Variants in RHOQ observed in about 807,000 individuals in gnomAD.
The protein encoded by RHOQ is ras homolog family member Q.
In RHOQ, 7 loss-of-function variants were observed where a neutral mutation model predicts 25.8. The observed-to-expected ratio is 0.27, with a 90% CI of 0.15 to 0.51. RHOQ has a LOEUF of 0.51. RHOQ is among the 20% of genes least tolerant of loss of function. The probability of loss-of-function intolerance (pLI) is 0.97; values close to 1 mark genes in which losing one functional copy is unlikely to be tolerated. For missense variants in RHOQ, 165 were observed against 260.6 expected, an observed-to-expected ratio of 0.63 and a Z score of 2.53; for synonymous variants, 97 against 98.6, an observed-to-expected ratio of 0.98 and a Z score of 0.10.
In RHOQ at chr2:46,543,452, G is replaced by C. The variant is rs1185149951; in HGVS notation, c.142+264G>C. 3 of 600,110 alleles carry C rather than the reference G, an allele frequency of 5.0e-6. No individual in the cohort carries two copies. The African/African-American group carries it at 5.6e-5, about 11-fold the overall frequency. The allele number at this position is 600,110 out of a possible 1,614,324, so 37.2% of individuals were successfully genotyped here. A position where few individuals can be genotyped will look rare whatever the true frequency, so the allele number is the denominator to read the frequency against. On this transcript the variant is annotated intron_variant, in intron 1 of 4. Coordinates refer to ENST00000238738, the MANE Select transcript of RHOQ (RefSeq NM_012249.4). ...CTCGGCGCCCTGGGCCGTCCTCCTT[G>C]ACCTTCCCACATCCCCTTTCCTACT...
chr2:46,577,565 A>ATTTTTTT (rs908178158), intron 4 of RHOQ, among the ~76,000 whole-genome samples: 23 of 64,950 alleles, frequency 3.5e-4, no homozygotes, highest in Admixed American at 5.2e-4. Context: ...ACACCCGGCT[A>ATTTTTTT]TTTTTTTTTT....
chr2:46,564,916 G>A (rs1668684476), intron 2 of RHOQ, among the ~76,000 whole-genome samples: 1 of 152,242 alleles, frequency 6.6e-6, no homozygotes, highest in Admixed American at 6.5e-5. Context: ...ATACACCCTG[G>A]TGGTGATAAC....
chr2:46,543,228 G>T (rs747570228), intron 1 of RHOQ, 40 bp downstream of exon 1: 19 of 1,608,266 alleles, frequency 1.2e-5, no homozygotes, highest in Non-Finnish European at 1.6e-5. Flanking sequence ...CGCTCCCCGG[G>T]CCGGGAACTT....
chr2:46,565,435 A>G (rs1668701978), intron 2 of RHOQ, among the ~76,000 whole-genome samples: 1 of 152,256 alleles, frequency 6.6e-6, no homozygotes, highest in African/African-American at 2.4e-5. Flanking sequence ...GAAAAGCAGC[A>G]GGAACTAAAA....
At chr2:46,568,001 C>G (rs749536112) in intron 2 of RHOQ, among the ~76,000 whole-genome samples, 2 of 152,150 alleles carry the variant, frequency 1.3e-5, no homozygotes, top group African/African-American at 2.4e-5. Flanking sequence ...CCCAGGAGGT[C>G]AAGGCTGTAG....
At chr2:46,561,995 C>A (rs1172043185) in intron 2 of RHOQ, among the ~76,000 whole-genome samples, 1 of 152,208 alleles carries the variant, frequency 6.6e-6, no homozygotes, top group African/African-American at 2.4e-5. Flanking sequence ...GGTTGCTTAA[C>A]TAAGCCAGTG....
At chr2:46,544,924 A>G (rs1667998414) in intron 2 of RHOQ, among the ~76,000 whole-genome samples, 1 of 152,248 alleles carries the variant, frequency 6.6e-6, no homozygotes, top group Admixed American at 6.5e-5. Flanking sequence ...TGCTCAATAA[A>G]GGGAGTGATG....
At chr2:46,561,520 A>T (rs1366109534) in intron 2 of RHOQ, among the ~76,000 whole-genome samples, 1 of 152,112 alleles carries the variant, frequency 6.6e-6, no homozygotes, top group African/African-American at 2.4e-5. Flanking sequence ...CCAACCTTGA[A>T]CTCTGAGCTA....
At chr2:46,563,312 A>G (rs1668628441) in intron 2 of RHOQ, among the ~76,000 whole-genome samples, 1 of 152,122 alleles carries the variant, frequency 6.6e-6, no homozygotes, top group Non-Finnish European at 1.5e-5. Context: ...TTTCCTCATC[A>G]GTGAGGTGGC....
At chr2:46,579,707 G>T (rs950029048) in intron 4 of RHOQ, among the ~76,000 whole-genome samples, 1 of 152,070 alleles carries the variant, frequency 6.6e-6, no homozygotes, top group East Asian at 1.9e-4. Flanking sequence ...AATTAGCTGG[G>T]TGTGGTGGCA....
At chr2:46,550,414 A>G (rs1401857543) in intron 2 of RHOQ, among the ~76,000 whole-genome samples, 1 of 152,232 alleles carries the variant, frequency 6.6e-6, no homozygotes, top group Non-Finnish European at 1.5e-5. Context: ...ACAGGCACAT[A>G]GGTATGGGGC....
chr2:46,569,421 G>T lies in RHOQ; in HGVS notation c.202-6666G>T, dbSNP rs564326618. 1.3e-5 allele frequency: 2 copies of T among 152,204 alleles called. No individual in the cohort carries two copies. The highest frequency in any genetic ancestry group is 2.9e-5 in the Non-Finnish European group (2 of 68,064). 9.4% of individuals were successfully genotyped at this position (152,204 alleles called of 1,614,324 possible). A position where few individuals can be genotyped will look rare whatever the true frequency, so the allele number is the denominator to read the frequency against. On this transcript the variant is annotated intron_variant, in intron 2 of 4. Transcript: ENST00000238738. The surrounding 1 kb of genome is among the most constrained non-coding windows in gnomAD (Gnocchi z 4.1). Reference sequence around the variant, plus strand: ...GTTTGAGTGTTTTTCATCATGTGACGTGGCGGTCTTCTAGTTCAGGGCCCT... The same window carrying T: ...GTTTGAGTGTTTTTCATCATGTGACTTGGCGGTCTTCTAGTTCAGGGCCCT...
chr2:46,572,225 C>A (rs1668956001), intron 2 of RHOQ, among the ~76,000 whole-genome samples: 2 of 149,804 alleles, frequency 1.3e-5, no homozygotes, highest in South Asian at 4.2e-4. Flanking sequence ...ACCTGAGCCT[C>A]CTGAGTAGCT....
rs973893829 is a variant in RHOQ, at chr2:46,584,162, T to G, written c.*3079T>G. ...GTTGGTTGTTACTTTTAAATGATTG[T>G]TACTTTAACAGTGTCCCTTCTTAAC... is the stretch of plus-strand genomic sequence containing the variant. On this transcript the variant is annotated 3_prime_UTR_variant, in exon 5 of 5. Transcript: ENST00000238738. Among the ~76,000 whole-genome samples, 8 of 152,216 alleles carry G rather than the reference T, an allele frequency of 5.3e-5. No homozygotes were observed. The highest frequency in any genetic ancestry group is 1.2e-4 in the African/African-American group (5 of 41,462).
rs1236059514 is a variant in RHOQ, at chr2:46,576,084, C to T, written c.202-3C>T. 3 of 1,589,698 alleles carry T rather than the reference C, an allele frequency of 1.9e-6. No homozygotes were observed. The East Asian group carries it at 6.7e-5, about 36-fold the overall frequency. On this transcript the variant is annotated splice_polypyrimidine_tract_variant and splice_region_variant and intron_variant, in intron 2 of 4. Transcript: ENST00000238738. The surrounding 1 kb of genome is among the most constrained non-coding windows in gnomAD (Gnocchi z 5.1). The stretch of plus-strand genomic sequence containing the variant: ...CATAATGAGGCTTTTCTTTGTTCCT[C>T]AGGAAGACTATGACCGTCTGAGGCC...
Position 46,576,981 on chromosome 2 carries a change from A to G in RHOQ, c.462+325A>G, listed in dbSNP as rs76109323. On this transcript the variant is annotated intron_variant, in intron 4 of 4. Transcript: ENST00000238738. This position sits in a 1 kb window ranked among gnomAD's most constrained non-coding sequence, Gnocchi z 5.1. Reference sequence around the variant, plus strand: ...CAGTGATATTTTCCTAAAAAGTCACATATGGAAAAAAGCATCGGAAACACG... The same window carrying G: ...CAGTGATATTTTCCTAAAAAGTCACGTATGGAAAAAAGCATCGGAAACACG... The G allele has an allele frequency of 0.041, 8,190 of 199,142 alleles. 258 individuals carry two copies. Among genetic ancestry groups the G allele is most frequent in the African/African-American group, 0.093 (3,993 of 43,154 alleles). The allele number at this position is 199,142 out of a possible 1,614,324, so 12.3% of individuals were successfully genotyped here. A position where few individuals can be genotyped will look rare whatever the true frequency, so the allele number is the denominator to read the frequency against.
At chr2:46,546,452 ATATATATATATATATATATATGTG>A (rs1481178524) in intron 2 of RHOQ, among the ~76,000 whole-genome samples, 24 of 4,786 alleles carry the variant, frequency 5.0e-3, no homozygotes, top group African/African-American at 0.02. Flanking sequence ...ACACATATAC[ATATATATATATATATATATATGTG>A]TATATATATA....
chr2:46,578,464 G>T (rs1669215450), intron 4 of RHOQ, among the ~76,000 whole-genome samples: 1 of 150,254 alleles, frequency 6.7e-6, no homozygotes, highest in African/African-American at 2.5e-5. Flanking sequence ...GGGCACGGTG[G>T]CTCACACCTG....
chr2:46,555,011 G>A lies in RHOQ; in HGVS notation c.201+11199G>A, dbSNP rs1490226349. Among the ~76,000 whole-genome samples the A allele has an allele frequency of 6.6e-6, 1 of 152,166 alleles. No homozygotes were observed. Among genetic ancestry groups the A allele is most frequent in the Non-Finnish European group, 1.5e-5 (1 of 68,038 alleles). ...CCCAGTGAGCTGATTACCTGGAGGT[G>A]TTTCCACCAGCCTCCTTGGCCCTGG... On this transcript the variant is annotated intron_variant, in intron 2 of 4. Coordinates refer to ENST00000238738, the MANE Select transcript of RHOQ (RefSeq NM_012249.4). The surrounding 1 kb of genome is among the most constrained non-coding windows in gnomAD (Gnocchi z 4.3).
Sources: gnomAD v4.1 joint callset for allele counts (sites outside exome capture counted in the v4.1 genomes callset) on GRCh38, gnomAD v4.1.1 for gene constraint, Gnocchi (gnomAD v3.1) non-coding constraint, MANE v1.5 for transcripts, NCBI Gene and HGNC (gene_info 2026-07-23, HGNC 2026-07-21) for gene names.